Variants in LSAMP observed in about 807,000 individuals in gnomAD.
LSAMP encodes the protein limbic system-associated membrane protein.
Under a neutral mutation model 38.6 loss-of-function variants are expected in LSAMP, and 7 were observed. That is an observed-to-expected ratio of 0.18 (90% CI 0.10 to 0.34). The LOEUF (loss-of-function observed/expected upper bound fraction) is 0.34. Ranked by LOEUF, LSAMP falls within the 10% of genes least tolerant of loss-of-function variation. The probability of loss-of-function intolerance (pLI) is 1.00; values close to 1 mark genes in which losing one functional copy is unlikely to be tolerated. For missense variants in LSAMP, 313 were observed against 420.0 expected (o/e 0.75, Z 2.23); for synonymous variants, 154 against 166.8 (o/e 0.92, Z 0.59).
chr3:116,140,429 A>G (rs770433209), intron 1 of LSAMP, among the ~76,000 whole-genome samples: 1 of 152,004 alleles, frequency 6.6e-6, no homozygotes, highest in Non-Finnish European at 1.5e-5. Context: ...ATTTATTTTC[A>G]TGATTACAAT....
intron 3 of LSAMP, among the ~76,000 whole-genome samples, chr3:115,982,941 T>TC (rs1294500533): frequency 6.6e-6 from 1 of 151,314 alleles, no homozygotes; most frequent in Admixed American, 6.6e-5. Flanking sequence ...CTTTTTTTTT[T>TC]TTTTTTTTAA....
intron 2 of LSAMP, among the ~76,000 whole-genome samples, chr3:116,083,418 C>A (rs539681146): frequency 3.4e-4 from 51 of 152,218 alleles, no homozygotes; most frequent in African/African-American, 1.2e-3. Flanking sequence ...TTTCATATGA[C>A]AAAACTGAGC....
At chr3:116,212,237 C>T (rs777369407) in intron 1 of LSAMP, among the ~76,000 whole-genome samples, 13 of 152,210 alleles carry the variant, frequency 8.5e-5, no homozygotes, top group African/African-American at 2.2e-4. Flanking sequence ...TGGAAAGATG[C>T]GCAAAGTTCA....
At chr3:116,159,388 G>C (rs945833220) in intron 1 of LSAMP, among the ~76,000 whole-genome samples, 1 of 152,010 alleles carries the variant, frequency 6.6e-6, no homozygotes, top group African/African-American at 2.4e-5. Context: ...GAATCTATAA[G>C]AAACTTAGAC....
chr3:116,222,233 A>G (rs1288223288), intron 1 of LSAMP, among the ~76,000 whole-genome samples: 3 of 151,142 alleles, frequency 2.0e-5, no homozygotes, highest in Non-Finnish European at 4.4e-5. Context: ...TCTGGCTCAC[A>G]TATCCTATGA....
Position 115,905,722 on chromosome 3 carries a change from G to A in LSAMP, c.515-53105C>T, listed in dbSNP as rs998348310. Among the ~76,000 whole-genome samples, 12 of 152,212 alleles carry A rather than the reference G, an allele frequency of 7.9e-5. 1 individual carries two copies. The South Asian group carries it at 1.5e-3, about 18-fold the overall frequency. ...ACATAAAGAAGTCACTTATAAGGCC[G>A]ATAAAAGATGCTAAGATGCTCATTC... is the stretch of plus-strand genomic sequence containing the variant. On this transcript the variant is annotated intron_variant, in intron 3 of 6. Coordinates refer to ENST00000490035, the MANE Select transcript of LSAMP (RefSeq NM_002338.5).
At chr3:116,269,461 AT>A (rs546704436) in intron 1 of LSAMP, among the ~76,000 whole-genome samples, 159 of 152,192 alleles carry the variant, frequency 1.0e-3, no homozygotes, top group African/African-American at 3.6e-3. Flanking sequence ...CTCAACAAAT[AT>A]TTGCTCAAGT....
chr3:116,074,602 C>G (rs1707691903), intron 2 of LSAMP, among the ~76,000 whole-genome samples: 1 of 152,124 alleles, frequency 6.6e-6, no homozygotes, highest in African/African-American at 2.4e-5. Flanking sequence ...AATTTACACT[C>G]TCAACAGGGA....
chr3:116,345,677 T>A (rs2048055707), intron 1 of LSAMP, among the ~76,000 whole-genome samples: 1 of 152,154 alleles, frequency 6.6e-6, no homozygotes, highest in African/African-American at 2.4e-5. Flanking sequence ...CTTCTGAGAT[T>A]TGTTTGGGTT....
intron 1 of LSAMP, among the ~76,000 whole-genome samples, chr3:116,159,916 G>A (rs1559764265): frequency 6.6e-6 from 1 of 151,878 alleles, no homozygotes; most frequent in African/African-American, 2.4e-5. Flanking sequence ...ATGAGATCAT[G>A]TTTTTTTGCA....
At chr3:116,198,386 A>C (rs2045938718) in intron 1 of LSAMP, among the ~76,000 whole-genome samples, 1 of 152,196 alleles carries the variant, frequency 6.6e-6, no homozygotes, top group South Asian at 2.1e-4. Context: ...AGAGTTTATT[A>C]TGAACTGAGA....
chr3:116,223,219 G>A (rs1559789342), intron 1 of LSAMP, among the ~76,000 whole-genome samples: 1 of 152,176 alleles, frequency 6.6e-6, no homozygotes, highest in Non-Finnish European at 1.5e-5. Flanking sequence ...CATGGTAACA[G>A]TATATGACAC....
At position 116,064,138 on chromosome 3, in the gene LSAMP, ACAT is replaced by A. The variant is rs371507214; in HGVS notation, c.388+22183_388+22185del. Among the ~76,000 whole-genome samples, 57 of 152,368 alleles carry A rather than the reference ACAT, an allele frequency of 3.7e-4. 1 individual carries two copies. The highest frequency in any genetic ancestry group is 1.2e-3 in the African/African-American group (51 of 41,576). On this transcript the variant is annotated intron_variant, in intron 2 of 6. Coordinates refer to ENST00000490035, the MANE Select transcript of LSAMP (RefSeq NM_002338.5). ...CAAAGGTATAACCTCTTCCTCTTTA[ACAT>A]CATAAGCATTTGGAGTTTCCTATGC...
At chr3:115,874,930 C>T (rs6783331) in intron 3 of LSAMP, among the ~76,000 whole-genome samples, 3 of 151,684 alleles carry the variant, frequency 2.0e-5, no homozygotes, top group African/African-American at 2.4e-5. Context: ...AGAGAATGAA[C>T]GTTTTCCTCA....
intron 1 of LSAMP, among the ~76,000 whole-genome samples, chr3:116,309,618 C>T (rs2107715238): frequency 6.6e-6 from 1 of 152,146 alleles, no homozygotes; most frequent in South Asian, 2.1e-4. Flanking sequence ...TGTTTCTTAG[C>T]CAAATTAATG....
intron 1 of LSAMP, among the ~76,000 whole-genome samples, chr3:116,153,201 A>G (rs1709651648): frequency 6.6e-6 from 1 of 152,108 alleles, no homozygotes; most frequent in South Asian, 2.1e-4. Context: ...TTCGAGTTTG[A>G]TTTCATGCTC....
chr3:115,940,441 AG>A (rs1937879297), intron 3 of LSAMP, among the ~76,000 whole-genome samples: 1 of 152,198 alleles, frequency 6.6e-6, no homozygotes, highest in African/African-American at 2.4e-5. Context: ...AGCTAGACAC[AG>A]AGCGCTGATT....
intron 2 of LSAMP, among the ~76,000 whole-genome samples, chr3:116,062,324 C>T (rs936316345): frequency 3.4e-4 from 51 of 152,124 alleles, no homozygotes; most frequent in Non-Finnish European, 4.9e-4. Flanking sequence ...GCTTGGCCAA[C>T]ATGGTAAAAC....
At chr3:116,233,606 G>A (rs985506887) in intron 1 of LSAMP, among the ~76,000 whole-genome samples, 8 of 151,414 alleles carry the variant, frequency 5.3e-5, no homozygotes, top group Admixed American at 1.3e-4. Flanking sequence ...TTAACCAACC[G>A]CTCTTTATCC....
Sources: gnomAD v4.1 joint callset for allele counts (sites outside exome capture counted in the v4.1 genomes callset) on GRCh38, gnomAD v4.1.1 for gene constraint, MANE v1.5 for transcripts, NCBI Gene and HGNC (gene_info 2026-07-23, HGNC 2026-07-21) for gene names.